Variants in HAT1 observed in about 807,000 individuals in gnomAD.
HAT1 encodes the protein histone acetyltransferase type B catalytic subunit.
Under a neutral mutation model 56.6 loss-of-function variants are expected in HAT1, and 20 were observed. That is an observed-to-expected ratio of 0.35 (90% CI 0.25 to 0.51). HAT1 has a LOEUF of 0.51. Among genes scored for constraint, HAT1 ranks in the 20% least tolerant of loss-of-function variants. HAT1 has a pLI of 0.95. For synonymous variants in HAT1, 146 were observed against 165.5 expected, an observed-to-expected ratio of 0.88 and a Z score of 0.91; for missense variants, 408 against 504.3, an observed-to-expected ratio of 0.81 and a Z score of 1.83.
chr2:171,948,381 C>A (rs2105320916), intron 3 of HAT1, among the ~76,000 whole-genome samples: 1 of 152,270 alleles, frequency 6.6e-6, no homozygotes, highest in South Asian at 2.1e-4. Context: ...CCCGCCACCA[C>A]ACCCAGCTAA....
chr2:171,967,645 T>C (rs1248104601), intron 8 of HAT1, among the ~76,000 whole-genome samples: 1 of 152,142 alleles, frequency 6.6e-6, no homozygotes, highest in East Asian at 1.9e-4. Flanking sequence ...GGAATATTTA[T>C]GTTATTTTCT....
At chr2:171,972,179 A>G (rs1400667919) in intron 8 of HAT1, among the ~76,000 whole-genome samples, 1 of 151,708 alleles carries the variant, frequency 6.6e-6, no homozygotes, top group East Asian at 1.9e-4. Context: ...GTTACATATG[A>G]AATGCTATCT....
At chr2:171,924,335 TAC>T (rs1686522054) in intron 1 of HAT1, 1 of 152,088 alleles carries the variant, frequency 6.6e-6, no homozygotes, top group South Asian at 2.1e-4. Flanking sequence ...TAGCTAGGAC[TAC>T]AGTCACGCGC....
intron 2 of HAT1, among the ~76,000 whole-genome samples, chr2:171,938,022 G>GATTCTC (rs1247903982): frequency 1.7e-4 from 12 of 71,534 alleles, no homozygotes; most frequent in Non-Finnish European, 2.9e-4. Context: ...TCTGTCTACT[G>GATTCTC]ATTCTCTCTC....
At chr2:171,927,550 A>G (rs958348542) in intron 2 of HAT1, among the ~76,000 whole-genome samples, 4 of 152,004 alleles carry the variant, frequency 2.6e-5, no homozygotes, top group African/African-American at 9.7e-5. Context: ...GGAATCAGCC[A>G]TTTCTCCAAG....
intron 10 of HAT1, among the ~76,000 whole-genome samples, chr2:171,982,303 A>G (rs1390544667): frequency 6.6e-6 from 1 of 152,206 alleles, no homozygotes; most frequent in East Asian, 1.9e-4. Context: ...GTTCTAGAAC[A>G]GTATATCCGA....
intron 1 of HAT1, 95 bp downstream of exon 1, chr2:171,922,602 G>C: frequency 2.8e-6 from 3 of 1,087,222 alleles, no homozygotes; most frequent in East Asian, 2.9e-5. Flanking sequence ...TAGAACTTTC[G>C]GGCTGTAGCC....
rs1472371553 is a variant in HAT1 at position 171,933,494 on chromosome 2, C to T, written c.112+7853C>T. On this transcript the variant is annotated intron_variant, in intron 2 of 10. Coordinates refer to ENST00000264108, the MANE Select transcript of HAT1 (RefSeq NM_003642.4). ...AGTGAGCCAAGATCGCATCACTGCA[C>T]TCCAGCCTGGGTGACGGAGCAAGAC... is the stretch of plus-strand genomic sequence containing the variant. Among the ~76,000 whole-genome samples the T allele has an allele frequency of 3.3e-5, 5 of 151,526 alleles. 1 individual carries two copies. In the South Asian group the frequency reaches 1.0e-3, roughly 32 times the overall value.
chr2:171,934,704 T>C (rs540546162), intron 2 of HAT1, among the ~76,000 whole-genome samples: 3 of 151,404 alleles, frequency 2.0e-5, no homozygotes, highest in African/African-American at 7.3e-5. Flanking sequence ...CACGTCCAGA[T>C]GAAAGTGTGC....
chr2:171,955,787 A>G (rs941389053), intron 4 of HAT1, among the ~76,000 whole-genome samples: 1 of 151,902 alleles, frequency 6.6e-6, no homozygotes, highest in Admixed American at 6.6e-5. Flanking sequence ...GCTCATGCCT[A>G]TAATCCCACA....
Position 171,976,157 on chromosome 2 carries a change from C to T in HAT1, c.824C>T (p.Ala275Val), listed in dbSNP as rs779584849. ...ATATTATTCTGCTTTATTTATTTAG[C>T]GGAAGATCCATCCAAAAGCTATGTG... The part of the protein sequence containing the change: ...TEFPTVLDIT[A>V]EDPSKSYVKL... The change falls in exon 9 of 11, where the codon GCG becomes GTG. Residue 275 changes from alanine (A) to valine (V), a missense_variant and splice_region_variant. By Grantham distance (64) the Ala-to-Val change is moderately conservative (BLOSUM62 0). Coordinates refer to ENST00000264108, the MANE Select transcript of HAT1 (RefSeq NM_003642.4). The T allele has an allele frequency of 2.2e-5, 34 of 1,515,326 alleles. No homozygotes were observed. Among genetic ancestry groups the T allele is most frequent in the South Asian group, 1.5e-4 (12 of 78,528 alleles). The allele number at this position is 1,515,326 out of a possible 1,614,324, so 93.9% of individuals were successfully genotyped here.
intron 1 of HAT1, chr2:171,923,367 C>A (rs62182435): frequency 0.24 from 35,819 of 152,030 alleles, 4,910 homozygotes; most frequent in Middle Eastern, 0.36. Context: ...TAGGCTCAAG[C>A]GATCCTCTTG....
At chr2:171,983,152 T>G (rs1247526745) in intron 10 of HAT1, 33 bp from the exon 11 acceptor site, 1 of 1,360,014 alleles carries the variant, frequency 7.4e-7, no homozygotes, top group African/African-American at 1.5e-5. Flanking sequence ...ATATTTACTT[T>G]CTTCGTCTAA....
Position 171,922,489 on chromosome 2 carries a change from C to T in HAT1, c.-12C>T. On this transcript the variant is annotated 5_prime_UTR_variant, in exon 1 of 11. Coordinates refer to ENST00000264108, the MANE Select transcript of HAT1 (RefSeq NM_003642.4). ...TCGTCCTTCCTCAGCCGCGGGTGAT[C>T]GTAGCTCGGAAATGGCGGGTAAGTT... 9 of 1,319,410 alleles carry T rather than the reference C, an allele frequency of 6.8e-6. No individual in the cohort carries two copies. The highest frequency in any genetic ancestry group is 8.8e-6 in the Non-Finnish European group (9 of 1,024,582). The allele number at this position is 1,319,410 out of a possible 1,614,324, so 81.7% of individuals were successfully genotyped here.
chr2:171,925,446 C>G (rs1281015223), intron 1 of HAT1, 91 bp from the exon 2 acceptor site: 1 of 662,718 alleles, frequency 1.5e-6, no homozygotes, highest in African/African-American at 1.8e-5. Context: ...TGTTTTAAAT[C>G]ATACCCCTAT....
intron 8 of HAT1, among the ~76,000 whole-genome samples, chr2:171,975,655 G>T (rs1227733392): frequency 1.3e-5 from 2 of 152,018 alleles, no homozygotes; most frequent in East Asian, 3.9e-4. Context: ...TAAAGTTCAT[G>T]GCATATTCCC....
intron 2 of HAT1, among the ~76,000 whole-genome samples, chr2:171,940,849 G>C (rs1687001575): frequency 6.6e-6 from 1 of 152,080 alleles, no homozygotes; most frequent in African/African-American, 2.4e-5. Context: ...CTTTCTTTTT[G>C]TTGGCAGTCT....
intron 4 of HAT1, among the ~76,000 whole-genome samples, chr2:171,960,919 G>C (rs531395483): frequency 1.3e-5 from 2 of 152,082 alleles, no homozygotes; most frequent in Admixed American, 6.6e-5. Context: ...AGGTGGACAG[G>C]TCACTTGAGG....
chr2:171,934,834 C>T (rs1263753254), intron 2 of HAT1, among the ~76,000 whole-genome samples: 1 of 146,232 alleles, frequency 6.8e-6, no homozygotes, highest in African/African-American at 2.5e-5. Context: ...CAGCTCACTG[C>T]AACCTCCGCC....
Sources: gnomAD v4.1 joint callset for allele counts (sites outside exome capture counted in the v4.1 genomes callset) on GRCh38, gnomAD v4.1.1 for gene constraint, MANE v1.5 for transcripts, NCBI Gene and HGNC (gene_info 2026-07-23, HGNC 2026-07-21) for gene names.